TMEM31: variants seen among roughly 807,000 people sequenced by gnomAD.
The protein encoded by TMEM31 is testicular secretory protein Li 58.
A neutral mutation model predicts 2.4 loss-of-function variants in TMEM31; 1 was observed. That is an observed-to-expected ratio of 0.42 (90% confidence interval 0.15 to 1.97). The LOEUF is 1.97. Among genes scored for constraint, TMEM31 ranks in the 30% most tolerant of loss-of-function variants. TMEM31 has a pLI of 0.30. For missense variants in TMEM31, 119 were observed against 121.3 expected, an observed-to-expected ratio of 0.98 and a Z score of 0.09; for synonymous variants, 47 against 45.8, an observed-to-expected ratio of 1.03 and a Z score of -0.10.
chrX:103,711,273 A>G (rs1422342390), intron 1 of TMEM31, among the ~76,000 whole-genome samples, 197 bp downstream of exon 1: 1 of 110,608 alleles, frequency 9.0e-6, no homozygotes, highest in African/African-American at 3.3e-5. Flanking sequence ...TCACGAGGTC[A>G]GGATATCGAG....
rs1426065552 is a variant in TMEM31, at chrX:103,714,015, A to T, written c.*17A>T. On this transcript the variant is annotated 3_prime_UTR_variant, in exon 3 of 3. Transcript: ENST00000319560. ...TTCTTCTGATTCTTTTGTTTCAATA[A>T]ACAGCAATGAGCATGAACACTGCAT... 1.7e-6 allele frequency: 2 copies of T among 1,159,324 alleles called. No individual in the cohort carries two copies.
rs763950323 is a variant in TMEM31 at position 103,712,356 on chromosome X, A to G, written c.98A>G (p.Glu33Gly). The change falls in exon 2 of 3, where the codon GAA becomes GGA. Residue 33 changes from glutamate to glycine, a missense_variant. Glu to Gly is a moderately conservative substitution (Grantham distance 98, BLOSUM62 -2). Coordinates refer to ENST00000319560, the MANE Select transcript of TMEM31 (RefSeq NM_182541.2). ...CAAGAAGAAGAAATCCAACAGTCAG[A>G]ACAGGCAAGTGGTGGTTTCTCAATT... Reference protein sequence around the residue: ...EDQEEEIQQSEQHTPARQRTQ... With the variant: ...EDQEEEIQQSGQHTPARQRTQ... The G allele has an allele frequency of 3.3e-6, 4 of 1,203,157 alleles. No individual in the cohort carries two copies. Among genetic ancestry groups the G allele is most frequent in the Non-Finnish European group, 4.5e-6 (4 of 891,048 alleles).
intron 2 of TMEM31, 159 bp from the exon 3 acceptor site, chrX:103,713,435 G>C (rs2074232453): frequency 9.6e-7 from 1 of 1,039,164 alleles, no homozygotes; most frequent in Non-Finnish European, 1.3e-6. Flanking sequence ...CAGCCCTGGG[G>C]TGGGTCTTGG....
rs766373481 is a variant in TMEM31, at chrX:103,713,822, T to C, written c.331T>C (p.Cys111Arg). Reference sequence around the variant, plus strand: ...AGAAGCCTTCCATGACATATCCCATTGTCTGAAAGCCCAGATGGAAAAGAT... The same window carrying C: ...AGAAGCCTTCCATGACATATCCCATCGTCTGAAAGCCCAGATGGAAAAGAT... ...FKEAFHDISHCLKAQMEKIGL... is the reference protein window; with the variant it reads ...FKEAFHDISHRLKAQMEKIGL... Residue 111 changes from cysteine (C) to arginine (R), a missense_variant, in exon 3 of 3, where the codon TGT (cysteine) becomes CGT (arginine). By Grantham distance (180) the Cys-to-Arg change is radical. Transcript: ENST00000319560. 3 of 1,211,929 alleles carry C rather than the reference T, an allele frequency of 2.5e-6. No individual in the cohort carries two copies. The highest frequency in any genetic ancestry group is 1.8e-5 in the South Asian group (1 of 56,997).
chrX:103,711,834 A>G (rs752033999), intron 1 of TMEM31, among the ~76,000 whole-genome samples: 291 of 112,043 alleles, frequency 2.6e-3, no homozygotes, highest in Non-Finnish European at 4.6e-3. Flanking sequence ...CCCCTGGAGC[A>G]GCTGAGGTGG....
chrX:103,713,569 T>C, intron 2 of TMEM31, 25 bp from the exon 3 acceptor site: 1 of 1,211,753 alleles, frequency 8.3e-7, no homozygotes, highest in South Asian at 1.8e-5. Flanking sequence ...TTCTTTATGC[T>C]GACGAGAAAC....
In TMEM31 at chrX:103,712,465, GT is replaced by G. The variant is rs1747971708; in HGVS notation, c.102+106del. ...TTGTTGAATTCTTAACCACCAATTA[GT>G]GTATGACAACCTGGGCTACCTTCCT... On this transcript the variant is annotated intron_variant, in intron 2 of 2. Coordinates refer to ENST00000319560, the MANE Select transcript of TMEM31 (RefSeq NM_182541.2). 1.2e-5 allele frequency: 8 copies of G among 646,623 alleles called. No individual in the cohort carries two copies. In the East Asian group the frequency reaches 3.2e-4, roughly 26 times the overall value. The allele number at this position is 646,623 out of a possible 1,213,427, so 53.3% of individuals were successfully genotyped here. A position where few individuals can be genotyped will look rare whatever the true frequency, so the allele number is the denominator to read the frequency against.
chrX:103,711,483 CAAAA>C (rs55932537), intron 1 of TMEM31, among the ~76,000 whole-genome samples: 1 of 62,709 alleles, frequency 1.6e-5, no homozygotes. Flanking sequence ...GACTCCGTCT[CAAAA>C]AAAAAAAAAA....
In TMEM31 at chrX:103,713,531, G is replaced by A. The variant is rs768921526; in HGVS notation, c.103-63G>A. ...CTAGTTGTACTCACCAAGCGTTGGC[G>A]CCTCTGCCTTCTTCGAAGTCGTATG... On this transcript the variant is annotated intron_variant, in intron 2 of 2. Transcript: ENST00000319560. 23 of 1,209,327 alleles carry A rather than the reference G, an allele frequency of 1.9e-5. No homozygotes were observed. The South Asian group carries it at 3.2e-4, about 17-fold the overall frequency.
chrX:103,713,573 G>A (rs750348807), intron 2 of TMEM31, 21 bp from the exon 3 acceptor site: 3 of 1,210,017 alleles, frequency 2.5e-6, no homozygotes, highest in African/African-American at 1.8e-5. Flanking sequence ...TTATGCTGAC[G>A]AGAAACAAAA....
intron 1 of TMEM31, among the ~76,000 whole-genome samples, chrX:103,711,522 C>T (rs1448859406): frequency 9.0e-6 from 1 of 110,517 alleles, no homozygotes; most frequent in African/African-American, 3.3e-5. Context: ...ATGGAGTGTC[C>T]TTTTTTCTTG....
chrX:103,712,677 GCC>G (rs1293153373), intron 2 of TMEM31, among the ~76,000 whole-genome samples: 1 of 111,204 alleles, frequency 9.0e-6, no homozygotes, highest in Non-Finnish European at 1.9e-5. Context: ...GATTACAGGT[GCC>G]CACCACCACA....
At chrX:103,712,899 G>C (rs1483887145) in intron 2 of TMEM31, among the ~76,000 whole-genome samples, 2 of 112,055 alleles carry the variant, frequency 1.8e-5, no homozygotes, top group African/African-American at 6.5e-5. Context: ...CTTATTCTAT[G>C]TCAAGCAGTG....
At chrX:103,712,411 T>C (rs777253916) in intron 2 of TMEM31, 51 bp downstream of exon 2, 17 of 1,025,805 alleles carry the variant, frequency 1.7e-5, no homozygotes, top group Admixed American at 2.7e-5. Flanking sequence ...CCTCTTATAA[T>C]GCTCCCCTAG....
In TMEM31 at chrX:103,713,620, A is replaced by G; in HGVS notation, c.129A>G (p.Gln43=). 2.5e-6 allele frequency: 3 copies of G among 1,212,103 alleles called. No individual in the cohort carries two copies. The highest frequency in any genetic ancestry group is 3.3e-6 in the Non-Finnish European group (3 of 895,604). Residue 43 remains glutamine (Q), a synonymous_variant, in exon 3 of 3, where the codon CAA becomes CAG. Transcript: ENST00000319560. ...EQHTPARQRT[Q]RADTQPSRCR... is the part of the protein sequence containing the mutation. The stretch of plus-strand genomic sequence containing the variant: ...ATACTCCAGCAAGGCAGCGAACACA[A>G]AGAGCAGACACACAGCCATCCAGAT...
At chrX:103,712,456 CACCAATTAGTGTATGACA>C in intron 2 of TMEM31, 96 bp downstream of exon 2, 1 of 739,541 alleles carries the variant, frequency 1.4e-6, no homozygotes, top group Non-Finnish European at 1.9e-6. Context: ...AATTCTTAAC[CACCAATTAGTGTATGACA>C]ACCTGGGCTA....
intron 2 of TMEM31, among the ~76,000 whole-genome samples, chrX:103,712,891 T>C (rs2074229598): frequency 8.9e-6 from 1 of 112,175 alleles, no homozygotes; most frequent in African/African-American, 3.2e-5. Context: ...CTTCAGTGCT[T>C]ATTCTATGTC....
At chrX:103,712,466 T>A in intron 2 of TMEM31, 106 bp downstream of exon 2, 1 of 645,768 alleles carries the variant, frequency 1.5e-6, no homozygotes, top group South Asian at 3.4e-5. Flanking sequence ...CACCAATTAG[T>A]GTATGACAAC....
chrX:103,713,971 T>C lies in TMEM31; in HGVS notation c.480T>C (p.Ile160=). Residue 160 remains isoleucine (I), a synonymous_variant, in exon 3 of 3, where the codon ATT becomes ATC. Coordinates refer to ENST00000319560, the MANE Select transcript of TMEM31 (RefSeq NM_182541.2). ...TTGTACTTCTGCTTCTGCTTTTTAT[T>C]ATTGTCTTCATTCTGATCTTCTTCT... The part of the protein sequence containing the change: ...ILLVLLLLLF[I]IVFILIFF 1.7e-6 allele frequency: 2 copies of C among 1,200,827 alleles called. No individual in the cohort carries two copies. The highest frequency in any genetic ancestry group is 3.6e-5 in the South Asian group (2 of 55,593).
Sources: allele counts gnomAD v4.1 joint callset (sites outside exome capture counted in the v4.1 genomes callset), GRCh38; gene constraint gnomAD v4.1.1; transcripts MANE v1.5; gene names NCBI Gene and HGNC (gene_info 2026-07-23, HGNC 2026-07-21).